The following LTBP2 variants were observed in gnomAD, a reference collection of about 807,000 sequenced individuals.
The protein encoded by LTBP2 is latent transforming growth factor beta binding protein 2.
Under a neutral mutation model 210.6 loss-of-function variants are expected in LTBP2, and 103 were observed. The observed-to-expected ratio is 0.49, with a 90% CI of 0.42 to 0.58. The LOEUF (loss-of-function observed/expected upper bound fraction) is 0.58. Among genes scored for constraint, LTBP2 ranks in the 20% least tolerant of loss-of-function variants. LTBP2 has a pLI of 0.00. For synonymous variants in LTBP2, 1,007 were observed against 1,015.0 expected (o/e 0.99, Z 0.15); for missense variants, 2,313 against 2,494.5 (o/e 0.93, Z 1.55).
At chr14:74,504,105 G>A (rs768772226) in intron 30 of LTBP2, 51 bp from the exon 31 acceptor site, 4 of 1,604,026 alleles carry the variant, frequency 2.5e-6, no homozygotes, top group Non-Finnish European at 2.6e-6. Context: ...AGTATGAGGG[G>A]TACCTAGAGC....
intron 2 of LTBP2, among the ~76,000 whole-genome samples, chr14:74,598,829 G>A (rs1172762854): frequency 2.0e-5 from 3 of 152,108 alleles, no homozygotes; most frequent in Admixed American, 1.3e-4. Context: ...CTTAGCCTGC[G>A]CCAGGCTGTC....
intron 4 of LTBP2, 139 bp downstream of exon 4, chr14:74,555,364 A>T: frequency 1.1e-6 from 1 of 919,238 alleles, no homozygotes; most frequent in Non-Finnish European, 1.7e-6. Flanking sequence ...GTGCTCAACA[A>T]GCGTTTGTTG....
At chr14:74,536,246 A>T (rs2087420361) in intron 8 of LTBP2, among the ~76,000 whole-genome samples, 1 of 152,182 alleles carries the variant, frequency 6.6e-6, no homozygotes, top group African/African-American at 2.4e-5. Context: ...ATATCACATG[A>T]TCTCACTTAC....
intron 1 of LTBP2, among the ~76,000 whole-genome samples, chr14:74,608,137 G>A (rs1341239690): frequency 2.7e-5 from 4 of 149,776 alleles, no homozygotes; most frequent in Non-Finnish European, 4.4e-5. Context: ...AGCCAGGATG[G>A]TCTCGATCTC....
At position 74,527,351 on chromosome 14, in the gene LTBP2, C is replaced by G. The variant is rs746072062; in HGVS notation, c.2384G>C (p.Gly795Ala). Residue 795 changes from glycine (G) to alanine (A), a missense_variant, in exon 13 of 36, where the codon GGC (glycine) becomes GCC (alanine). This residue lies in a region of LTBP2 where 1,867 missense variants were observed against 1,976.9 expected (regional missense o/e 0.94). Coordinates refer to ENST00000261978, the MANE Select transcript of LTBP2 (RefSeq NM_000428.3). The part of the protein sequence containing the change: ...TIPDKGDSQA[G>A]QVTTSVTHAP... ...CTAGTGGGAGGACGCACTCACCTGGCCAGCCTGAGAGTCACCTGGAAGGGA... is the reference window on the plus strand; with the variant it reads ...CTAGTGGGAGGACGCACTCACCTGGGCAGCCTGAGAGTCACCTGGAAGGGA... 3 of 1,611,450 alleles carry G rather than the reference C, an allele frequency of 1.9e-6. No individual in the cohort carries two copies. The highest frequency in any genetic ancestry group is 1.7e-6 in the Non-Finnish European group (2 of 1,179,156).
At chr14:74,591,768 A>G (rs750438745) in intron 2 of LTBP2, among the ~76,000 whole-genome samples, 1 of 152,174 alleles carries the variant, frequency 6.6e-6, no homozygotes, top group Non-Finnish European at 1.5e-5. Flanking sequence ...CTGTCTATGA[A>G]TGGGACAGTT....
intron 3 of LTBP2, among the ~76,000 whole-genome samples, chr14:74,580,789 G>A (rs549720010): frequency 2.6e-5 from 4 of 152,120 alleles, no homozygotes; most frequent in South Asian, 2.1e-4. Context: ...GTGAAACCAC[G>A]TCTATAAAAA....
intron 9 of LTBP2, 108 bp from the exon 10 acceptor site, chr14:74,532,656 A>C: frequency 5.5e-6 from 7 of 1,267,116 alleles, no homozygotes; most frequent in South Asian, 1.3e-5. Context: ...ACAACAACAA[A>C]AGAGCTGCTA....
intron 2 of LTBP2, among the ~76,000 whole-genome samples, chr14:74,601,686 T>C (rs1367595929): frequency 6.6e-6 from 1 of 152,168 alleles, no homozygotes; most frequent in East Asian, 1.9e-4. Flanking sequence ...AACCCATATC[T>C]CCAGACTCGC....
intron 26 of LTBP2, 41 bp from the exon 27 acceptor site, chr14:74,506,864 T>G (rs766828242): frequency 6.5e-7 from 1 of 1,548,996 alleles, no homozygotes; most frequent in African/African-American, 1.8e-5. Flanking sequence ...TGTGTGTGTG[T>G]GTGTGTGTGT....
At chr14:74,511,200 C>G in intron 19 of LTBP2, 45 bp downstream of exon 19, 1 of 1,612,590 alleles carries the variant, frequency 6.2e-7, no homozygotes, top group South Asian at 1.1e-5. Flanking sequence ...ACCAGAGGTC[C>G]CAAGGCCGAA....
intron 2 of LTBP2, among the ~76,000 whole-genome samples, chr14:74,590,867 GA>G (rs1352644089): frequency 6.6e-6 from 1 of 150,950 alleles, no homozygotes; most frequent in Admixed American, 6.6e-5. Flanking sequence ...AAGGGTTGCG[GA>G]AAAAAAACTA....
Position 74,504,831 on chromosome 14 carries a change from T to C in LTBP2, c.4400A>G (p.Lys1467Arg). 3 of 1,614,228 alleles carry C rather than the reference T, an allele frequency of 1.9e-6. No individual in the cohort carries two copies. The South Asian group carries it at 3.3e-5, about 18-fold the overall frequency. ...AEFSEICPSG[K>R]GYIPVEGAWT... is the part of the protein sequence containing the mutation. The stretch of plus-strand genomic sequence containing the variant: ...GGCTCCTTCCACAGGAATGTAGCCT[T>C]TTCCACTAGGGCAGATCTCGCTGAA... Residue 1467 changes from lysine (K) to arginine (R), a missense_variant, in exon 30 of 36, where the codon AAA becomes AGA. Coordinates refer to ENST00000261978, the MANE Select transcript of LTBP2 (RefSeq NM_000428.3).
chr14:74,604,155 GC>G (rs2088488588), intron 1 of LTBP2, among the ~76,000 whole-genome samples: 1 of 88,542 alleles, frequency 1.1e-5, no homozygotes, highest in African/African-American at 7.2e-5. Flanking sequence ...ACTCTACATT[GC>G]CTCTCACCAA....
chr14:74,578,265 G>C (rs950300923), intron 3 of LTBP2, among the ~76,000 whole-genome samples: 1 of 152,190 alleles, frequency 6.6e-6, no homozygotes, highest in Non-Finnish European at 1.5e-5. Context: ...GGAGTAGGCA[G>C]GTAGGCCAAG....
chr14:74,603,604 C>G, intron 2 of LTBP2, 31 bp downstream of exon 2: 1 of 1,610,170 alleles, frequency 6.2e-7, no homozygotes, highest in Non-Finnish European at 8.5e-7. Flanking sequence ...TTTGATAGAG[C>G]GGAGTGTCTG....
intron 17 of LTBP2, among the ~76,000 whole-genome samples, chr14:74,518,695 C>T (rs1021061011): frequency 3.9e-5 from 6 of 152,216 alleles, no homozygotes; most frequent in African/African-American, 9.6e-5. Flanking sequence ...TTCACTTGAG[C>T]AATACTTCAT....
chr14:74,516,809 T>G lies in LTBP2; in HGVS notation c.2908+13A>C, dbSNP rs562495685. 1.2e-5 allele frequency: 19 copies of G among 1,551,424 alleles called. No individual in the cohort carries two copies. In the South Asian group the frequency reaches 2.3e-4, roughly 18 times the overall value. ...TGGGGTGGCAGGGCGCTTCCCTCCT[T>G]CCCGTTCCTTACCTTGGCAGTGTCC... On this transcript the variant is annotated intron_variant, in intron 18 of 35. Coordinates refer to ENST00000261978, the MANE Select transcript of LTBP2 (RefSeq NM_000428.3).
At chr14:74,506,953 C>T in intron 26 of LTBP2, 130 bp from the exon 27 acceptor site, 1 of 1,547,354 alleles carries the variant, frequency 6.5e-7, no homozygotes. Context: ...ACTTATTTGG[C>T]TTATTAGCAC....
Sources: allele counts gnomAD v4.1 joint callset (sites outside exome capture counted in the v4.1 genomes callset), GRCh38; gene constraint gnomAD v4.1.1; regional missense constraint gnomAD v4.1.1; transcripts MANE v1.5; gene names NCBI Gene and HGNC (gene_info 2026-07-23, HGNC 2026-07-21).